The following NKAIN2 variants were observed in gnomAD, a reference collection of about 807,000 sequenced individuals.
NKAIN2 encodes the protein sodium/potassium transporting ATPase interacting 2, also known as sodium/potassium-transporting ATPase subunit beta-1-interacting protein 2.
A neutral mutation model predicts 32.6 loss-of-function variants in NKAIN2; 14 were observed. The ratio of observed to expected loss-of-function variants is 0.43; its 90% CI spans 0.28 to 0.67. NKAIN2 has a LOEUF of 0.67. Among genes scored for constraint, NKAIN2 ranks in the 30% least tolerant of loss-of-function variants. The pLI is 0.17. For synonymous variants in NKAIN2, 80 were observed against 87.2 expected (o/e 0.92, Z 0.46); for missense variants, 198 against 258.3 (o/e 0.77, Z 1.60).
chr6:124,655,398 A>T (rs1282437899), intron 3 of NKAIN2, among the ~76,000 whole-genome samples: 1 of 152,064 alleles, frequency 6.6e-6, no homozygotes, highest in Non-Finnish European at 1.5e-5. Context: ...CTTTATTATG[A>T]CAAGACTCTT....
intron 2 of NKAIN2, among the ~76,000 whole-genome samples, chr6:124,340,566 G>A (rs1002842374): frequency 2.0e-5 from 3 of 152,044 alleles, no homozygotes; most frequent in African/African-American, 7.2e-5. Flanking sequence ...AGTGCCTGCT[G>A]TTTCCTTCTT....
At chr6:124,513,030 C>T (rs1000836902) in intron 3 of NKAIN2, among the ~76,000 whole-genome samples, 1 of 152,020 alleles carries the variant, frequency 6.6e-6, no homozygotes, top group Non-Finnish European at 1.5e-5. Flanking sequence ...GTTTCCTCTT[C>T]TGAGAATGCA....
chr6:124,093,193 C>T (rs1007299760), intron 1 of NKAIN2, among the ~76,000 whole-genome samples: 1 of 152,056 alleles, frequency 6.6e-6, no homozygotes, highest in African/African-American at 2.4e-5. Context: ...GGGAAGACAA[C>T]CATGGCTAAA....
chr6:124,202,584 G>A (rs1392476875), intron 1 of NKAIN2, among the ~76,000 whole-genome samples: 3 of 151,900 alleles, frequency 2.0e-5, no homozygotes, highest in African/African-American at 4.8e-5. Context: ...GGACAGAACT[G>A]ATGGAATCCT....
At chr6:123,942,382 G>T (rs2114558328) in intron 1 of NKAIN2, among the ~76,000 whole-genome samples, 1 of 152,090 alleles carries the variant, frequency 6.6e-6, no homozygotes, top group East Asian at 1.9e-4. Context: ...TGAAGAATTT[G>T]TTTAAGAGCA....
At chr6:124,204,894 T>A (rs1194201791) in intron 1 of NKAIN2, among the ~76,000 whole-genome samples, 1 of 151,620 alleles carries the variant, frequency 6.6e-6, no homozygotes, top group Non-Finnish European at 1.5e-5. Context: ...CCTAAATAAC[T>A]TTAGGAAATA....
At chr6:124,330,175 T>A (rs1797597803) in intron 2 of NKAIN2, among the ~76,000 whole-genome samples, 1 of 152,202 alleles carries the variant, frequency 6.6e-6, no homozygotes, top group Non-Finnish European at 1.5e-5. Flanking sequence ...TGCCAAGAAC[T>A]ATTATCACAC....
chr6:123,976,270 CAT>C (rs1300208896), intron 1 of NKAIN2, among the ~76,000 whole-genome samples: 3 of 67,586 alleles, frequency 4.4e-5, no homozygotes, highest in Non-Finnish European at 1.0e-4. Context: ...TATATGTTTC[CAT>C]ATATATGTTT....
chr6:124,194,543 CTTCT>C (rs1201269313), intron 1 of NKAIN2, among the ~76,000 whole-genome samples: 2 of 151,682 alleles, frequency 1.3e-5, no homozygotes, highest in Non-Finnish European at 2.9e-5. Context: ...TCGTACATTC[CTTCT>C]GTTTTTTTCT....
intron 1 of NKAIN2, among the ~76,000 whole-genome samples, chr6:123,876,663 C>A (rs1773185794): frequency 6.6e-6 from 1 of 152,166 alleles, no homozygotes; most frequent in Non-Finnish European, 1.5e-5. Context: ...AAGACTGATA[C>A]TTTCAGCTCA....
chr6:124,102,215 C>T (rs959871063), intron 1 of NKAIN2, among the ~76,000 whole-genome samples: 2 of 152,156 alleles, frequency 1.3e-5, no homozygotes, highest in African/African-American at 4.8e-5. Flanking sequence ...ACCACTGCCC[C>T]TTCACTGGTA....
chr6:124,707,494 C>A (rs879562760), intron 4 of NKAIN2, among the ~76,000 whole-genome samples: 38 of 146,154 alleles, frequency 2.6e-4, no homozygotes, highest in Non-Finnish European at 5.1e-4. Flanking sequence ...ACATCCTCTC[C>A]AGCACCTGTT....
At chr6:124,559,610 CTT>C (rs903263011) in intron 3 of NKAIN2, among the ~76,000 whole-genome samples, 4 of 152,128 alleles carry the variant, frequency 2.6e-5, no homozygotes, top group African/African-American at 9.7e-5. Flanking sequence ...ATGTGATTCT[CTT>C]TGGCTAACAG....
intron 1 of NKAIN2, among the ~76,000 whole-genome samples, chr6:124,109,170 G>A (rs1785252725): frequency 6.6e-6 from 1 of 151,874 alleles, no homozygotes; most frequent in Admixed American, 6.6e-5. Flanking sequence ...ACAATATTAA[G>A]TCTTCCAGTC....
intron 1 of NKAIN2, among the ~76,000 whole-genome samples, chr6:123,879,808 G>A (rs1168372230): frequency 6.6e-6 from 1 of 152,178 alleles, no homozygotes; most frequent in Non-Finnish European, 1.5e-5. Flanking sequence ...ATGCCTATTT[G>A]TCCAACTTGT....
intron 1 of NKAIN2, among the ~76,000 whole-genome samples, chr6:124,244,524 C>T (rs1793290390): frequency 6.6e-6 from 1 of 151,948 alleles, no homozygotes; most frequent in African/African-American, 2.4e-5. Context: ...GTCAGCCGAC[C>T]AATCTACCAC....
chr6:124,668,370 T>C (rs1452765912), intron 4 of NKAIN2, among the ~76,000 whole-genome samples: 1 of 152,128 alleles, frequency 6.6e-6, no homozygotes, highest in Non-Finnish European at 1.5e-5. Flanking sequence ...TCTCCTTTAT[T>C]GATTTCCAAT....
intron 1 of NKAIN2, among the ~76,000 whole-genome samples, chr6:124,032,968 G>A (rs1219624846): frequency 2.0e-5 from 3 of 151,958 alleles, no homozygotes; most frequent in Non-Finnish European, 4.4e-5. Flanking sequence ...TCAATAAAGT[G>A]CCATTGATTA....
At chr6:124,408,550 A>G (rs2114484801) in intron 3 of NKAIN2, among the ~76,000 whole-genome samples, 1 of 152,074 alleles carries the variant, frequency 6.6e-6, no homozygotes, top group South Asian at 2.1e-4. Context: ...TGTTCCATTG[A>G]TCTATATGTC....
Sources: allele counts gnomAD v4.1 joint callset (sites outside exome capture counted in the v4.1 genomes callset), GRCh38; gene constraint gnomAD v4.1.1; transcripts MANE v1.5; gene names NCBI Gene and HGNC (gene_info 2026-07-23, HGNC 2026-07-21).